KSR2: variants seen among roughly 807,000 people sequenced by gnomAD.
The protein encoded by KSR2 is kinase suppressor of ras 2.
KSR2 carries 25 observed loss-of-function variants against 107.8 expected under a neutral mutation model. The ratio of observed to expected loss-of-function variants is 0.23; its 90% CI spans 0.17 to 0.32. The LOEUF (loss-of-function observed/expected upper bound fraction) is 0.32. KSR2 is among the 10% of genes least tolerant of loss of function. The pLI, the probability that KSR2 is intolerant of heterozygous loss-of-function variation, is 1.00. For synonymous variants in KSR2, 480 were observed against 507.0 expected (o/e 0.95, Z 0.71); for missense variants, 887 against 1,268.9 (o/e 0.70, Z 4.57).
chr12:117,533,024 A>T (rs1875775328), intron 10 of KSR2, among the ~76,000 whole-genome samples: 1 of 152,220 alleles, frequency 6.6e-6, no homozygotes, highest in Non-Finnish European at 1.5e-5. Flanking sequence ...AGAAGCTCCA[A>T]GTCTCACTGT....
chr12:117,786,198 C>A (rs1468336554), intron 3 of KSR2, among the ~76,000 whole-genome samples: 1 of 152,086 alleles, frequency 6.6e-6, no homozygotes, highest in Non-Finnish European at 1.5e-5. Flanking sequence ...ACATTTATTC[C>A]ATTTTAACAA....
At chr12:117,721,930 A>G (rs896629485) in intron 4 of KSR2, among the ~76,000 whole-genome samples, 7 of 152,156 alleles carry the variant, frequency 4.6e-5, no homozygotes, top group Admixed American at 3.9e-4. Context: ...GATAATGGAA[A>G]TGTTTTATAT....
At chr12:117,617,635 G>C (rs1881959547) in intron 5 of KSR2, among the ~76,000 whole-genome samples, 1 of 152,152 alleles carries the variant, frequency 6.6e-6, no homozygotes, top group Non-Finnish European at 1.5e-5. Flanking sequence ...TGAAATTCCA[G>C]AAAATGTAAA....
At chr12:117,882,831 A>C (rs1476453073) in intron 1 of KSR2, among the ~76,000 whole-genome samples, 1 of 151,706 alleles carries the variant, frequency 6.6e-6, no homozygotes, top group Non-Finnish European at 1.5e-5. Context: ...CCATCTATTC[A>C]TTTATTCATC....
rs1165369110 is a variant in KSR2 at position 117,794,405 on chromosome 12, GCA to G, written c.473-32883_473-32882del. Among the ~76,000 whole-genome samples, 15 of 59,680 alleles carry G rather than the reference GCA, an allele frequency of 2.5e-4. 2 individuals carry two copies. Among genetic ancestry groups the G allele is most frequent in the African/African-American group, 9.9e-4 (14 of 14,144 alleles). 39.2% of individuals were successfully genotyped at this position (59,680 alleles called of 152,430 possible). A position where few individuals can be genotyped will look rare whatever the true frequency, so the allele number is the denominator to read the frequency against. The stretch of plus-strand genomic sequence containing the variant: ...CCAACATGCACACTCACACCAACAT[GCA>G]CACACATGCACATACAACATGCACA... On this transcript the variant is annotated intron_variant, in intron 3 of 19. Coordinates refer to ENST00000339824, the MANE Select transcript of KSR2 (RefSeq NM_173598.6).
At chr12:117,753,456 T>C (rs1007815973) in intron 4 of KSR2, among the ~76,000 whole-genome samples, 1 of 152,216 alleles carries the variant, frequency 6.6e-6, no homozygotes, top group Non-Finnish European at 1.5e-5. Context: ...ATGTGGTATA[T>C]ATACACTATG....
chr12:117,808,324 G>A (rs953065880), intron 3 of KSR2, among the ~76,000 whole-genome samples: 1 of 152,168 alleles, frequency 6.6e-6, no homozygotes, highest in Non-Finnish European at 1.5e-5. Context: ...AGCCAAGCTT[G>A]AGAACCTCTT....
intron 1 of KSR2, among the ~76,000 whole-genome samples, chr12:117,910,647 T>A (rs920612184): frequency 6.6e-6 from 1 of 152,198 alleles, no homozygotes; most frequent in Non-Finnish European, 1.5e-5. Flanking sequence ...AGAGAAATGC[T>A]TGGAATAGCA....
chr12:117,596,791 G>A (rs1449832936), intron 5 of KSR2, among the ~76,000 whole-genome samples: 1 of 152,158 alleles, frequency 6.6e-6, no homozygotes. Flanking sequence ...TAGTAGGCAT[G>A]TCCCTCTAAT....
At chr12:117,724,529 G>T (rs11068652) in intron 4 of KSR2, among the ~76,000 whole-genome samples, 60,307 of 151,594 alleles carry the variant, frequency 0.4, 12,234 homozygotes, top group Middle Eastern at 0.49. Flanking sequence ...TTTGCTGCTG[G>T]TAGCCACACA....
At chr12:117,679,338 A>C (rs1885274274) in intron 4 of KSR2, among the ~76,000 whole-genome samples, 1 of 152,232 alleles carries the variant, frequency 6.6e-6, no homozygotes, top group African/African-American at 2.4e-5. Context: ...GGAAGGTACT[A>C]GAGTTATACC....
chr12:117,467,233 G>C (rs374468786), intron 19 of KSR2, 28 bp from the exon 20 acceptor site: 1 of 728,240 alleles, frequency 1.4e-6, no homozygotes, highest in South Asian at 1.5e-5. Flanking sequence ...GGGAGAGAGT[G>C]GTGAGAGGTC....
intron 5 of KSR2, among the ~76,000 whole-genome samples, chr12:117,645,340 T>C (rs1193208786): frequency 1.3e-5 from 2 of 152,200 alleles, no homozygotes; most frequent in Admixed American, 1.3e-4. Context: ...TTGTATTTGC[T>C]GAAACCAGTA....
At chr12:117,753,201 T>C (rs1380961294) in intron 4 of KSR2, among the ~76,000 whole-genome samples, 2 of 152,222 alleles carry the variant, frequency 1.3e-5, no homozygotes, top group African/African-American at 4.8e-5. Flanking sequence ...TATGGCTCCT[T>C]TGGGAACGTT....
At chr12:117,905,475 C>G (rs1271783126) in intron 1 of KSR2, among the ~76,000 whole-genome samples, 2 of 152,156 alleles carry the variant, frequency 1.3e-5, no homozygotes, top group Non-Finnish European at 2.9e-5. Flanking sequence ...GATCAATGCA[C>G]CACATTCTGG....
chr12:117,471,456 G>T (rs935645843), intron 17 of KSR2, 136 bp from the exon 18 acceptor site: 26 of 904,266 alleles, frequency 2.9e-5, no homozygotes, highest in Admixed American at 9.1e-5. Context: ...CATGGGGTTG[G>T]TATTTTGCCA....
intron 1 of KSR2, among the ~76,000 whole-genome samples, chr12:117,880,149 A>AAAAC (rs770894846): frequency 6.6e-6 from 1 of 152,228 alleles, no homozygotes; most frequent in Non-Finnish European, 1.5e-5. Flanking sequence ...TCCATCTCAA[A>AAAAC]AAACAAACAA....
chr12:117,855,524 G>A lies in KSR2; in HGVS notation c.376C>T (p.Gln126Ter). ...LEDLLEMTDE[Q>*]VCETVEKYGA... ...TATTTCTCCACAGTCTCGCACACCT[G>A]TTCATCCGTCATCTCCAAGAGGTCC... The change falls in exon 3 of 20, where the codon CAG becomes TAG. Residue 126 changes from glutamine (Q) to a stop codon, truncating the protein, a stop_gained. Transcript: ENST00000339824. LOFTEE classifies it high-confidence loss of function. 1 of 1,614,004 alleles carries A rather than the reference G, an allele frequency of 6.2e-7. No homozygotes were observed. Among genetic ancestry groups the A allele is most frequent in the Non-Finnish European group, 8.5e-7 (1 of 1,179,890 alleles).
intron 4 of KSR2, among the ~76,000 whole-genome samples, chr12:117,713,876 C>A (rs1306045045): frequency 6.6e-6 from 1 of 152,216 alleles, no homozygotes; most frequent in African/African-American, 2.4e-5. Context: ...CTGACTCCAG[C>A]TCCCTGATGC....
Sources: allele counts gnomAD v4.1 joint callset (sites outside exome capture counted in the v4.1 genomes callset), GRCh38; gene constraint gnomAD v4.1.1; transcripts MANE v1.5; gene names NCBI Gene and HGNC (gene_info 2026-07-23, HGNC 2026-07-21).